The following ETV1 variants were observed in gnomAD, a reference collection of about 807,000 sequenced individuals.
ETV1 encodes the protein ETS variant transcription factor 1.
Under a neutral mutation model 62.3 loss-of-function variants are expected in ETV1, and 27 were observed. The observed-to-expected ratio is 0.43, with a 90% confidence interval of 0.32 to 0.60. ETV1 has a LOEUF of 0.60. Ranked by LOEUF, ETV1 falls within the 20% of genes least tolerant of loss-of-function variation. The probability of loss-of-function intolerance (pLI) is 0.06; values close to 1 mark genes in which losing one functional copy is unlikely to be tolerated. For synonymous variants in ETV1, 222 were observed against 199.6 expected (o/e 1.11, Z -0.94); for missense variants, 605 against 605.8 (o/e 1.00, Z 0.01).
chr7:13,968,946 C>T (rs1430849332), intron 6 of ETV1, among the ~76,000 whole-genome samples: 1 of 152,104 alleles, frequency 6.6e-6, no homozygotes, highest in Non-Finnish European at 1.5e-5. Flanking sequence ...GAGTACTTTT[C>T]ATTGGATTTT....
rs10238896 is a variant in ETV1 at position 13,898,454 on chromosome 7, A to T, written c.1212+2284T>A. Among the ~76,000 whole-genome samples, 919 of 152,326 alleles carry T rather than the reference A, an allele frequency of 6.0e-3. 6 individuals are homozygous for T. The highest frequency in any genetic ancestry group is 0.018 in the African/African-American group (764 of 41,574). On this transcript the variant is annotated intron_variant, in intron 13 of 13. Coordinates refer to ENST00000430479, the MANE Select transcript of ETV1 (RefSeq NM_004956.5). ...CATCCAGAATATAATCACCATTAACATATTGGTATATATTGTTCTAGGCAT... is the reference window on the plus strand; with the variant it reads ...CATCCAGAATATAATCACCATTAACTTATTGGTATATATTGTTCTAGGCAT...
At chr7:13,932,979 C>T (rs772585555) in intron 8 of ETV1, among the ~76,000 whole-genome samples, 6 of 152,216 alleles carry the variant, frequency 3.9e-5, no homozygotes, top group Non-Finnish European at 8.8e-5. Flanking sequence ...ATTCCACCTA[C>T]ACCTGCAGAA....
At chr7:13,903,945 T>C (rs1204471049) in intron 12 of ETV1, among the ~76,000 whole-genome samples, 8 of 152,050 alleles carry the variant, frequency 5.3e-5, no homozygotes, top group Admixed American at 1.3e-4. Context: ...TCTCACTCAA[T>C]ATCATTTTAA....
Position 13,895,844 on chromosome 7 carries a change from C to T in ETV1, c.*22G>A, listed in dbSNP as rs1027206856. Reference sequence around the variant, plus strand: ...AGAAAAAAGGAAAAGCGCAAAAACGCCCTGCTTGACTGTCACTTGTGTTAA... The same window carrying T: ...AGAAAAAAGGAAAAGCGCAAAAACGTCCTGCTTGACTGTCACTTGTGTTAA... On this transcript the variant is annotated 3_prime_UTR_variant, in exon 14 of 14. Coordinates refer to ENST00000430479, the MANE Select transcript of ETV1 (RefSeq NM_004956.5). 4 of 1,580,396 alleles carry T rather than the reference C, an allele frequency of 2.5e-6. No homozygotes were observed. Among genetic ancestry groups the T allele is most frequent in the Non-Finnish European group, 2.6e-6 (3 of 1,153,126 alleles).
At chr7:13,905,409 C>T (rs763298806) in intron 12 of ETV1, among the ~76,000 whole-genome samples, 2 of 152,134 alleles carry the variant, frequency 1.3e-5, no homozygotes, top group Non-Finnish European at 2.9e-5. Context: ...AGCTAAAAAT[C>T]TTCCATTGCT....
intron 12 of ETV1, among the ~76,000 whole-genome samples, chr7:13,903,810 GA>G (rs1251649868): frequency 6.7e-6 from 1 of 149,736 alleles, no homozygotes; most frequent in Non-Finnish European, 1.5e-5. Flanking sequence ...TTCCCTAGGA[GA>G]CATGACTAAT....
chr7:13,914,757 A>C (rs1783967210), intron 9 of ETV1, among the ~76,000 whole-genome samples: 1 of 152,190 alleles, frequency 6.6e-6, no homozygotes, highest in African/African-American at 2.4e-5. Context: ...TTGCACATTT[A>C]AAATTGCTAG....
chr7:13,975,560 CT>C (rs1781351975), intron 6 of ETV1, among the ~76,000 whole-genome samples: 1 of 91,400 alleles, frequency 1.1e-5, no homozygotes, highest in African/African-American at 4.4e-5. Context: ...GAGACTCTGT[CT>C]CAAAAAAAAA....
chr7:13,907,069 T>C (rs72589660), intron 11 of ETV1, among the ~76,000 whole-genome samples: 2 of 152,048 alleles, frequency 1.3e-5, no homozygotes, highest in South Asian at 2.1e-4. Flanking sequence ...AAATATCTTA[T>C]TGACCTGCTC....
intron 13 of ETV1, among the ~76,000 whole-genome samples, chr7:13,897,459 G>T (rs1781966636): frequency 6.6e-6 from 1 of 152,180 alleles, no homozygotes; most frequent in Non-Finnish European, 1.5e-5. Flanking sequence ...CCACTTTAGA[G>T]AATTCAAATA....
At chr7:13,985,991 A>T (rs981712688) in intron 5 of ETV1, 16 of 753,644 alleles carry the variant, frequency 2.1e-5, no homozygotes, top group Non-Finnish European at 3.2e-5. Context: ...AATAAAACTG[A>T]CAAAATAGCA....
chr7:13,986,141 T>C, intron 5 of ETV1: 1 of 1,591,134 alleles, frequency 6.3e-7, no homozygotes. Context: ...GTGAACAAGG[T>C]GGAAAGAAGA....
intron 7 of ETV1, among the ~76,000 whole-genome samples, chr7:13,937,492 A>G (rs768604958): frequency 6.6e-6 from 1 of 152,250 alleles, no homozygotes; most frequent in Non-Finnish European, 1.5e-5. Flanking sequence ...CCCCAAAAGA[A>G]ACACAAAATA....
intron 6 of ETV1, among the ~76,000 whole-genome samples, chr7:13,963,425 T>C (rs1402433774): frequency 2.0e-5 from 3 of 151,932 alleles, no homozygotes; most frequent in Non-Finnish European, 1.5e-5. Flanking sequence ...AATAAGAGCA[T>C]ATTTTTCCAA....
chr7:13,908,469 A>G (rs1783204624), intron 11 of ETV1, among the ~76,000 whole-genome samples: 4 of 152,162 alleles, frequency 2.6e-5, no homozygotes, highest in South Asian at 4.1e-4. Flanking sequence ...AGAAAATGCT[A>G]TATTTTAAGA....
At chr7:13,912,478 T>A (rs1290052340) in intron 9 of ETV1, among the ~76,000 whole-genome samples, 1 of 152,152 alleles carries the variant, frequency 6.6e-6, no homozygotes, top group African/African-American at 2.4e-5. Context: ...TTCTAATCTA[T>A]GATATTTAAG....
At position 13,906,734 on chromosome 7, in the gene ETV1, C is replaced by T. The variant is rs563765810; in HGVS notation, c.941-135G>A. 7.4e-5 allele frequency: 44 copies of T among 598,244 alleles called. No homozygotes were observed. The African/African-American group carries it at 7.4e-4, about 10-fold the overall frequency. 37.1% of individuals were successfully genotyped at this position (598,244 alleles called of 1,614,324 possible). On this transcript the variant is annotated intron_variant, in intron 11 of 13. Coordinates refer to ENST00000430479, the MANE Select transcript of ETV1 (RefSeq NM_004956.5). ...TGGGCATTTATGAAATATATTATTA[C>T]CATTAAAGAGGAATTTAAAATAGTT...
rs889120178 is a variant in ETV1, at chr7:13,894,498, A to C, written c.*1368T>G. The C allele has an allele frequency of 8.6e-6, 2 of 232,572 alleles. No individual in the cohort carries two copies. Among genetic ancestry groups the C allele is most frequent in the African/African-American group, 4.4e-5 (2 of 45,316 alleles). 14.4% of individuals were successfully genotyped at this position (232,572 alleles called of 1,614,324 possible). A position where few individuals can be genotyped will look rare whatever the true frequency, so the allele number is the denominator to read the frequency against. ...TACAGCAACTTCCTCATATTCTTTG[A>C]CGGTTTGTAAATAATTTTCCATATC... is the stretch of plus-strand genomic sequence containing the variant. On this transcript the variant is annotated 3_prime_UTR_variant, in exon 14 of 14. Coordinates refer to ENST00000430479, the MANE Select transcript of ETV1 (RefSeq NM_004956.5).
intron 6 of ETV1, among the ~76,000 whole-genome samples, chr7:13,953,905 A>G (rs564292782): frequency 6.6e-6 from 1 of 152,330 alleles, no homozygotes; most frequent in East Asian, 1.9e-4. Context: ...GCATCTCAAG[A>G]TGGCTTATTC....
Sources: allele counts gnomAD v4.1 joint callset (sites outside exome capture counted in the v4.1 genomes callset), GRCh38; gene constraint gnomAD v4.1.1; transcripts MANE v1.5; gene names NCBI Gene and HGNC (gene_info 2026-07-23, HGNC 2026-07-21).